Variants in ACSS1 observed in about 807,000 individuals in gnomAD.
The protein encoded by ACSS1 is acyl-CoA synthetase short chain family member 1.
In ACSS1, 42 loss-of-function variants were observed where a neutral mutation model predicts 75.3. That is an observed-to-expected ratio of 0.56 (90% CI 0.44 to 0.72). ACSS1 has a LOEUF of 0.72. Among genes scored for constraint, ACSS1 ranks in the 30% least tolerant of loss-of-function variants. The pLI is 0.00. For synonymous variants in ACSS1, 380 were observed against 376.8 expected (o/e 1.01, Z -0.10); for missense variants, 782 against 935.7 (o/e 0.84, Z 2.14).
chr20:25,022,809 GC>G (rs2088646682), intron 5 of ACSS1, 130 bp downstream of exon 5: 10 of 1,304,966 alleles, frequency 7.7e-6, no homozygotes, highest in Non-Finnish European at 9.1e-6. Context: ...AGGGGGCCCT[GC>G]CCCGAATAGG....
chr20:25,021,106 C>T (rs1189809954), intron 6 of ACSS1, among the ~76,000 whole-genome samples: 1 of 152,196 alleles, frequency 6.6e-6, no homozygotes, highest in Non-Finnish European at 1.5e-5. Context: ...GATGCCAAAG[C>T]GATGGCCTGA....
At chr20:25,013,894 G>T in intron 9 of ACSS1, 67 bp downstream of exon 9, 3 of 1,509,040 alleles carry the variant, frequency 2.0e-6, no homozygotes, top group Non-Finnish European at 2.7e-6. Flanking sequence ...GGAGAGAGCT[G>T]GGCTGGGCAG....
At position 25,023,048 on chromosome 20, in the gene ACSS1, G is replaced by C. The variant is rs1159477589; in HGVS notation, c.852C>G (p.Gly284=). 3.1e-6 allele frequency: 5 copies of C among 1,613,920 alleles called. No individual in the cohort carries two copies. Among genetic ancestry groups the C allele is most frequent in the Non-Finnish European group, 4.2e-6 (5 of 1,179,996 alleles). ...ACAGCATGAAGAGCATGTCCTCACT[G>C]CCCATGCTCTCTGGGGCGCAAACAG... ...EDPVCAPESM[G]SEDMLFMLYT... is the part of the protein sequence containing the mutation. The change falls in exon 5 of 14, where the codon GGC becomes GGG. Residue 284 remains glycine, a synonymous_variant. Coordinates refer to ENST00000323482, the MANE Select transcript of ACSS1 (RefSeq NM_032501.4).
intron 7 of ACSS1, among the ~76,000 whole-genome samples, chr20:25,019,126 C>G (rs1230907700): frequency 6.6e-6 from 1 of 152,244 alleles, no homozygotes; most frequent in Non-Finnish European, 1.5e-5. Flanking sequence ...GAATGGGACA[C>G]TCTTCCATGG....
chr20:25,043,121 C>G (rs2089031264), intron 2 of ACSS1, among the ~76,000 whole-genome samples: 1 of 152,162 alleles, frequency 6.6e-6, no homozygotes, highest in African/African-American at 2.4e-5. Flanking sequence ...CCACCACTTC[C>G]CAGACCCTGG....
chr20:25,015,131 T>C lies in ACSS1; in HGVS notation c.1339+7A>G, dbSNP rs759574648. ...TAGACCGGAACCTGTTCCCCAGGCC[T>C]CCTCACCTGTCTGCCACCAGGTGTC... On this transcript the variant is annotated splice_region_variant and intron_variant, in intron 8 of 13. Coordinates refer to ENST00000323482, the MANE Select transcript of ACSS1 (RefSeq NM_032501.4). The C allele has an allele frequency of 6.2e-7, 1 of 1,607,616 alleles. No homozygotes were observed. The highest frequency in any genetic ancestry group is 8.5e-7 in the Non-Finnish European group (1 of 1,175,438).
Position 25,030,062 on chromosome 20 carries a change from A to G in ACSS1, c.631+697T>C, listed in dbSNP as rs1292967109. On this transcript the variant is annotated intron_variant, in intron 3 of 13. Transcript: ENST00000323482. ...GCTTCCCAGCCTTTTATACAGAGGGAGGTCAACAGGAGTCTGAGAACTCTA... is the reference window on the plus strand; with the variant it reads ...GCTTCCCAGCCTTTTATACAGAGGGGGGTCAACAGGAGTCTGAGAACTCTA... Among the ~76,000 whole-genome samples, 4 of 152,272 alleles carry G rather than the reference A, an allele frequency of 2.6e-5. No individual in the cohort carries two copies. In the East Asian group the frequency reaches 7.7e-4, roughly 29 times the overall value.
chr20:25,032,893 C>A (rs1351294365), intron 2 of ACSS1, among the ~76,000 whole-genome samples: 1 of 152,236 alleles, frequency 6.6e-6, no homozygotes, highest in Non-Finnish European at 1.5e-5. Flanking sequence ...AGCACGCCTG[C>A]CCAGCCTGGC....
In ACSS1 at chr20:25,052,572, T is replaced by C. The variant is rs148845018; in HGVS notation, c.335-4391A>G. On this transcript the variant is annotated intron_variant, in intron 1 of 13. Coordinates refer to ENST00000323482, the MANE Select transcript of ACSS1 (RefSeq NM_032501.4). ...CATCACAATTCCCCTCCCACCTCAG[T>C]GTGGACTTACTCATTTACTGACTTA... is the stretch of plus-strand genomic sequence containing the variant. Among the ~76,000 whole-genome samples, 566 of 152,292 alleles carry C rather than the reference T, an allele frequency of 3.7e-3. 2 individuals carry two copies. Among genetic ancestry groups the C allele is most frequent in the African/African-American group, 8.5e-3 (355 of 41,560 alleles).
At chr20:25,020,289 C>A in intron 6 of ACSS1, 142 bp from the exon 7 acceptor site, 2 of 1,149,216 alleles carry the variant, frequency 1.7e-6, no homozygotes, top group Non-Finnish European at 2.4e-6. Context: ...CAACCCCCCA[C>A]CCCCGCCAGT....
At chr20:25,010,429 A>T (rs1451454995) in intron 12 of ACSS1, 2 of 152,262 alleles carry the variant, frequency 1.3e-5, no homozygotes, top group Non-Finnish European at 2.9e-5. Flanking sequence ...AAGTGCATGA[A>T]TGGATGATTG....
chr20:25,031,045 T>C (rs2088815847), intron 2 of ACSS1, 87 bp from the exon 3 acceptor site: 1 of 1,310,118 alleles, frequency 7.6e-7, no homozygotes, highest in South Asian at 1.3e-5. Context: ...CTGCAAATTT[T>C]ATGTCATATA....
Position 25,007,563 on chromosome 20 carries a change from A to G in ACSS1, c.*199T>C. The G allele has an allele frequency of 7.0e-7, 1 of 1,423,758 alleles. No homozygotes were observed. Among genetic ancestry groups the G allele is most frequent in the Non-Finnish European group, 9.2e-7 (1 of 1,092,500 alleles). The allele number at this position is 1,423,758 out of a possible 1,614,324, so 88.2% of individuals were successfully genotyped here. ...CCTAGCCATGTCGCATAGCCTCTCC[A>G]TGGGTGACACTCCTGGGACCTCCAA... On this transcript the variant is annotated 3_prime_UTR_variant, in exon 14 of 14. Coordinates refer to ENST00000323482, the MANE Select transcript of ACSS1 (RefSeq NM_032501.4).
chr20:25,026,381 C>A (rs1488960495), intron 3 of ACSS1, among the ~76,000 whole-genome samples: 3 of 152,210 alleles, frequency 2.0e-5, no homozygotes, highest in African/African-American at 7.2e-5. Context: ...CCAGCCTGGA[C>A]TGTAGGACAC....
intron 2 of ACSS1, among the ~76,000 whole-genome samples, chr20:25,040,241 C>G (rs2088979272): frequency 6.6e-6 from 1 of 152,212 alleles, no homozygotes; most frequent in African/African-American, 2.4e-5. Context: ...ATGGCTCTAC[C>G]AGAGCCCATT....
At chr20:25,037,451 A>G (rs998705435) in intron 2 of ACSS1, among the ~76,000 whole-genome samples, 2 of 152,130 alleles carry the variant, frequency 1.3e-5, no homozygotes, top group Non-Finnish European at 2.9e-5. Flanking sequence ...GAAACGTTTC[A>G]TTTTCTTCTG....
At chr20:25,031,422 A>G (rs1041212122) in intron 2 of ACSS1, among the ~76,000 whole-genome samples, 2 of 152,242 alleles carry the variant, frequency 1.3e-5, no homozygotes, top group African/African-American at 2.4e-5. Context: ...TGCATAATAT[A>G]TGCTTTTAAG....
At chr20:25,033,493 C>A (rs2088861767) in intron 2 of ACSS1, among the ~76,000 whole-genome samples, 1 of 152,256 alleles carries the variant, frequency 6.6e-6, no homozygotes, top group Non-Finnish European at 1.5e-5. Flanking sequence ...GCCAAACATT[C>A]AGTAGCTATC....
At chr20:25,041,427 C>T (rs983842384) in intron 2 of ACSS1, among the ~76,000 whole-genome samples, 12 of 152,308 alleles carry the variant, frequency 7.9e-5, no homozygotes, top group Admixed American at 7.2e-4. Context: ...CAGATGGCAC[C>T]GTACTCCCGG....
Sources: allele counts gnomAD v4.1 joint callset (sites outside exome capture counted in the v4.1 genomes callset), GRCh38; gene constraint gnomAD v4.1.1; transcripts MANE v1.5; gene names NCBI Gene and HGNC (gene_info 2026-07-23, HGNC 2026-07-21).